The following VAT1L variants were observed in gnomAD, a reference collection of about 807,000 sequenced individuals.
VAT1L encodes putative NADPH-dependent quinone oxidoreductase VAT1L.
Under a neutral mutation model 44.1 loss-of-function variants are expected in VAT1L, and 34 were observed. That is an observed-to-expected ratio of 0.77 (90% confidence interval 0.59 to 1.03). The LOEUF is 1.03. VAT1L is among the 50% of genes least tolerant of loss of function. VAT1L has a pLI of 0.00. For synonymous variants in VAT1L, 253 were observed against 202.2 expected, an observed-to-expected ratio of 1.25 and a Z score of -2.13; for missense variants, 615 against 538.8, an observed-to-expected ratio of 1.14 and a Z score of -1.40.
intron 7 of VAT1L, among the ~76,000 whole-genome samples, chr16:77,961,148 G>A (rs2018155733): frequency 6.6e-6 from 1 of 152,220 alleles, no homozygotes. Context: ...AACAGCTGGG[G>A]CAGTTTTCAA....
intron 6 of VAT1L, among the ~76,000 whole-genome samples, chr16:77,881,490 G>A (rs1311980022): frequency 1.3e-5 from 2 of 152,200 alleles, no homozygotes; most frequent in African/African-American, 4.8e-5. Flanking sequence ...GTGGGTGGAG[G>A]CAATTAAAAC....
chr16:77,876,339 C>A, intron 4 of VAT1L, 31 bp from the exon 5 acceptor site: 1 of 1,595,886 alleles, frequency 6.3e-7, no homozygotes. Context: ...TGACAGGTCA[C>A]AGAATTTTGC....
intron 2 of VAT1L, among the ~76,000 whole-genome samples, chr16:77,823,364 C>G (rs1391275794): frequency 6.6e-6 from 1 of 152,146 alleles, no homozygotes; most frequent in Admixed American, 6.5e-5. Context: ...CCCTATCACT[C>G]ATAGCACTTG....
chr16:77,959,613 T>G (rs2018140359), intron 7 of VAT1L, among the ~76,000 whole-genome samples: 1 of 152,208 alleles, frequency 6.6e-6, no homozygotes, highest in African/African-American at 2.4e-5. Context: ...CTTATTATCA[T>G]TCATAGCATA....
Position 77,788,797 on chromosome 16 carries a change from G to A in VAT1L, c.115G>A (p.Ala39Thr), listed in dbSNP as rs373237949. Residue 39 changes from alanine to threonine, a missense_variant, in exon 1 of 9, where the codon GCC becomes ACC. Transcript: ENST00000302536. ...CGACGGCTCGCACCGCCTCGGGGACGCCCAGGAGATGCGCGCGGTGGTGCT... is the reference window on the plus strand; with the variant it reads ...CGACGGCTCGCACCGCCTCGGGGACACCCAGGAGATGCGCGCGGTGGTGCT... ...GGDGSHRLGDAQEMRAVVLAG... is the reference protein window; with the variant it reads ...GGDGSHRLGDTQEMRAVVLAG... The A allele has an allele frequency of 6.1e-5, 96 of 1,570,330 alleles. No individual in the cohort carries two copies. The highest frequency in any genetic ancestry group is 7.2e-5 in the Non-Finnish European group (84 of 1,158,958).
intron 3 of VAT1L, among the ~76,000 whole-genome samples, chr16:77,830,605 C>T (rs984129224): frequency 2.6e-5 from 4 of 152,220 alleles, no homozygotes; most frequent in African/African-American, 7.2e-5. Flanking sequence ...CCATGTAAGA[C>T]ATGACTTTGG....
At chr16:77,944,830 C>G (rs1340129012) in intron 7 of VAT1L, among the ~76,000 whole-genome samples, 1 of 152,106 alleles carries the variant, frequency 6.6e-6, no homozygotes, top group Non-Finnish European at 1.5e-5. Flanking sequence ...TGTGCCAAGA[C>G]TCTGCAGAGT....
At chr16:77,790,742 T>C (rs2015819543) in intron 1 of VAT1L, among the ~76,000 whole-genome samples, 1 of 152,192 alleles carries the variant, frequency 6.6e-6, no homozygotes, top group African/African-American at 2.4e-5. Flanking sequence ...GAGTACATAT[T>C]CAGAGAGGGA....
intron 7 of VAT1L, among the ~76,000 whole-genome samples, chr16:77,887,354 CAT>C (rs2017219426): frequency 6.6e-6 from 1 of 152,138 alleles, no homozygotes; most frequent in Non-Finnish European, 1.5e-5. Flanking sequence ...GGGTGTTATC[CAT>C]CAGGACAGAA....
At chr16:77,870,557 G>A (rs750729910) in intron 4 of VAT1L, among the ~76,000 whole-genome samples, 7 of 152,196 alleles carry the variant, frequency 4.6e-5, no homozygotes, top group African/African-American at 1.4e-4. Flanking sequence ...TCCAGGGCCC[G>A]GGGCTGGGGA....
intron 7 of VAT1L, among the ~76,000 whole-genome samples, chr16:77,957,723 CA>C (rs1445494146): frequency 3.4e-5 from 5 of 148,236 alleles, no homozygotes; most frequent in Admixed American, 2.7e-4. Context: ...GACTCTGTCT[CA>C]AAAAAATAAA....
chr16:77,943,479 A>G (rs897756181), intron 7 of VAT1L, among the ~76,000 whole-genome samples: 1 of 145,106 alleles, frequency 6.9e-6, no homozygotes, highest in African/African-American at 2.6e-5. Flanking sequence ...GGCTCACTGC[A>G]AGCTCCACCT....
intron 7 of VAT1L, among the ~76,000 whole-genome samples, chr16:77,943,847 A>C (rs993900370): frequency 1.3e-5 from 2 of 152,218 alleles, no homozygotes; most frequent in Non-Finnish European, 2.9e-5. Context: ...TGCAATTAGC[A>C]TCACCATTTC....
At chr16:77,959,795 G>T (rs769677787) in intron 7 of VAT1L, among the ~76,000 whole-genome samples, 2 of 152,180 alleles carry the variant, frequency 1.3e-5, no homozygotes, top group African/African-American at 4.8e-5. Context: ...CACTCACGTA[G>T]GTGAGGGGAG....
At chr16:77,825,524 C>T (rs1303328254) in intron 3 of VAT1L, 63 bp downstream of exon 3, 1 of 1,507,040 alleles carries the variant, frequency 6.6e-7, no homozygotes, top group Non-Finnish European at 9.0e-7. Flanking sequence ...GAGTGACACC[C>T]CCCTGAGGTC....
chr16:77,943,735 C>T (rs543699324), intron 7 of VAT1L, among the ~76,000 whole-genome samples: 84 of 152,224 alleles, frequency 5.5e-4, no homozygotes, highest in Non-Finnish European at 9.6e-4. Context: ...CTAGCATTCA[C>T]TAGCTGTGTG....
At chr16:77,966,774 G>A (rs1019878164) in intron 7 of VAT1L, among the ~76,000 whole-genome samples, 2 of 151,978 alleles carry the variant, frequency 1.3e-5, no homozygotes, top group African/African-American at 2.4e-5. Flanking sequence ...GTGAAGTCTG[G>A]TGTGAATTTT....
At position 77,979,934 on chromosome 16, in the gene VAT1L, T is replaced by C. The variant is rs1490420982; in HGVS notation, c.*2239T>C. On this transcript the variant is annotated 3_prime_UTR_variant, in exon 9 of 9. Coordinates refer to ENST00000302536, the MANE Select transcript of VAT1L (RefSeq NM_020927.3). ...TTCTGAAGGAAGTGTAAAGAATGTC[T>C]CAGTCTGCCTTAAAGGAACTGTGAA... 6.6e-6 allele frequency: 1 copy of C among 152,650 alleles called. No individual in the cohort carries two copies. The highest frequency in any genetic ancestry group is 6.5e-5 in the Admixed American group (1 of 15,286). The allele number at this position is 152,650 out of a possible 1,614,324, so 9.5% of individuals were successfully genotyped here. A position where few individuals can be genotyped will look rare whatever the true frequency, so the allele number is the denominator to read the frequency against.
At chr16:77,896,113 G>A (rs367596181) in intron 7 of VAT1L, among the ~76,000 whole-genome samples, 15 of 152,194 alleles carry the variant, frequency 9.9e-5, no homozygotes, top group Admixed American at 4.6e-4. Context: ...CCCGCCAACC[G>A]CCGGAATATA....
Sources: gnomAD v4.1 joint callset for allele counts (sites outside exome capture counted in the v4.1 genomes callset) on GRCh38, gnomAD v4.1.1 for gene constraint, MANE v1.5 for transcripts, NCBI Gene and HGNC (gene_info 2026-07-23, HGNC 2026-07-21) for gene names.